CUBN: variants seen among roughly 807,000 people sequenced by gnomAD.
The protein encoded by CUBN is cubilin, also known as 460 kDa receptor.
A neutral mutation model predicts 405.3 loss-of-function variants in CUBN; 282 were observed. That is an observed-to-expected ratio of 0.70 (90% CI 0.63 to 0.77). CUBN has a LOEUF of 0.77. Ranked by LOEUF, CUBN falls within the 30% of genes least tolerant of loss-of-function variation. CUBN has a pLI of 0.00. For synonymous variants in CUBN, 1,684 were observed against 1,617.0 expected, an observed-to-expected ratio of 1.04 and a Z score of -0.99; for missense variants, 4,514 against 4,475.2, an observed-to-expected ratio of 1.01 and a Z score of -0.25.
chr10:16,903,868 G>T, intron 51 of CUBN, 98 bp downstream of exon 51: 1 of 866,148 alleles, frequency 1.2e-6, no homozygotes, highest in Non-Finnish European at 1.7e-6. Flanking sequence ...TAATAGCTAT[G>T]TAGAAATAAA....
chr10:17,127,740 A>G (rs1203514244), intron 3 of CUBN, 89 bp downstream of exon 3: 2 of 866,836 alleles, frequency 2.3e-6, no homozygotes, highest in African/African-American at 3.4e-5. Flanking sequence ...AAGAGCACAC[A>G]AAGTTGGTAT....
chr10:16,922,292 C>G (rs1289768863), intron 43 of CUBN, among the ~76,000 whole-genome samples: 1 of 152,128 alleles, frequency 6.6e-6, no homozygotes, highest in Non-Finnish European at 1.5e-5. Flanking sequence ...TGCCTCACAT[C>G]CAACTGACCG....
intron 60 of CUBN, among the ~76,000 whole-genome samples, chr10:16,841,623 C>T (rs1016750387): frequency 9.9e-5 from 15 of 152,238 alleles, no homozygotes; most frequent in African/African-American, 1.4e-4. Context: ...TGTTCGATTC[C>T]GCTTCTTGAG....
intron 31 of CUBN, among the ~76,000 whole-genome samples, chr10:16,955,653 TA>T (rs1212305100): frequency 6.6e-6 from 1 of 152,218 alleles, no homozygotes; most frequent in Non-Finnish European, 1.5e-5. Context: ...TGATTAATAA[TA>T]ACTCCCATTC....
At chr10:17,005,905 G>A (rs1348471914) in intron 28 of CUBN, among the ~76,000 whole-genome samples, 1 of 152,162 alleles carries the variant, frequency 6.6e-6, no homozygotes, top group African/African-American at 2.4e-5. Flanking sequence ...GAAGCTGAAT[G>A]GACTGTAATC....
intron 28 of CUBN, among the ~76,000 whole-genome samples, chr10:17,015,621 G>C (rs1047447495): frequency 1.3e-5 from 2 of 152,096 alleles, no homozygotes; most frequent in Admixed American, 1.3e-4. Flanking sequence ...TGTAACCGGG[G>C]CTCAATAAGG....
At chr10:17,027,234 C>T (rs1420171869) in intron 27 of CUBN, among the ~76,000 whole-genome samples, 2 of 152,190 alleles carry the variant, frequency 1.3e-5, no homozygotes, top group Non-Finnish European at 2.9e-5. Context: ...TATCTCAGAA[C>T]TGTTTCTAAT....
chr10:16,906,280 G>C lies in CUBN; in HGVS notation c.7835C>G (p.Ser2612Cys). Residue 2612 changes from serine (S) to cysteine (C), a missense_variant, in exon 50 of 67, where the codon TCC becomes TGC. By Grantham distance (112) the Ser-to-Cys change is moderately radical. This residue lies in a region of CUBN where 1,613 missense variants were observed against 1,542.8 expected (regional missense o/e 1.05). Coordinates refer to ENST00000377833, the MANE Select transcript of CUBN (RefSeq NM_001081.4). Reference protein sequence around the residue: ...TLSNPNQGNSSISIHFEDFYL... With the variant: ...TLSNPNQGNSCISIHFEDFYL... ...AAAATCTTCAAAGTGAATGGAAATG[G>C]ATGAATTTCCCTGATTTGGATTGCT... The C allele has an allele frequency of 6.2e-7, 1 of 1,613,610 alleles. No individual in the cohort carries two copies. Among genetic ancestry groups the C allele is most frequent in the South Asian group, 1.1e-5 (1 of 91,076 alleles).
intron 20 of CUBN, 110 bp from the exon 21 acceptor site, chr10:17,068,390 T>G: frequency 8.4e-7 from 1 of 1,190,012 alleles, no homozygotes; most frequent in Non-Finnish European, 1.2e-6. Flanking sequence ...AAAATGTTTC[T>G]TAGTTGCCAC....
chr10:16,999,919 C>T (rs1833833107), intron 28 of CUBN, among the ~76,000 whole-genome samples: 1 of 152,176 alleles, frequency 6.6e-6, no homozygotes, highest in Non-Finnish European at 1.5e-5. Flanking sequence ...GAGGACTCCA[C>T]CCGGAGAAAT....
intron 31 of CUBN, among the ~76,000 whole-genome samples, chr10:16,976,328 C>CT (rs1458121246): frequency 6.6e-6 from 1 of 151,822 alleles, no homozygotes; most frequent in African/African-American, 2.4e-5. Flanking sequence ...CCGGTAGTTA[C>CT]TTTTTTTTCT....
intron 27 of CUBN, among the ~76,000 whole-genome samples, chr10:17,029,264 C>T (rs559418824): frequency 2.0e-5 from 3 of 152,272 alleles, no homozygotes; most frequent in African/African-American, 7.2e-5. Context: ...ATACGAAAAT[C>T]CTTCATTGTG....
At position 16,907,555 on chromosome 10, in the gene CUBN, C is replaced by T. The variant is rs976107508; in HGVS notation, c.7658G>A (p.Arg2553Lys). ...GGAAGCAGTGAAGCCGCCATATGGCCTGGATCCATCCGTGAAAAAAATGAC... is the reference window on the plus strand; with the variant it reads ...GGAAGCAGTGAAGCCGCCATATGGCTTGGATCCATCCGTGAAAAAAATGAC... The part of the protein sequence containing the change: ...MKVIFFTDGS[R>K]PYGGFTASYT... Residue 2553 changes from arginine (R) to lysine (K), a missense_variant, in exon 49 of 67, where the codon AGG becomes AAG. Physicochemically the swap from Arg to Lys is conservative, Grantham distance 26 (BLOSUM62 2). Around this residue, in one of 5 missense-constraint regions of CUBN, gnomAD observed 1,613 missense variants for 1,542.8 expected, o/e 1.05. Coordinates refer to ENST00000377833, the MANE Select transcript of CUBN (RefSeq NM_001081.4). 9 of 1,613,980 alleles carry T rather than the reference C, an allele frequency of 5.6e-6. No individual in the cohort carries two copies. Among genetic ancestry groups the T allele is most frequent in the Non-Finnish European group, 7.6e-6 (9 of 1,180,024 alleles).
intron 55 of CUBN, among the ~76,000 whole-genome samples, chr10:16,888,999 G>C (rs1311231391): frequency 6.6e-6 from 1 of 152,130 alleles, no homozygotes; most frequent in East Asian, 1.9e-4. Flanking sequence ...CATTACCATT[G>C]TAATCTAGCC....
At chr10:16,942,922 G>A (rs1423606635) in intron 36 of CUBN, among the ~76,000 whole-genome samples, 2 of 151,852 alleles carry the variant, frequency 1.3e-5, no homozygotes, top group East Asian at 1.9e-4. Flanking sequence ...GGAAAGGAAA[G>A]GAAAAATGTA....
intron 62 of CUBN, among the ~76,000 whole-genome samples, chr10:16,840,037 A>G (rs1027574234): frequency 5.3e-5 from 7 of 131,242 alleles, no homozygotes; most frequent in East Asian, 2.4e-4. Context: ...GGACACAGGA[A>G]GGGGAACATC....
intron 22 of CUBN, among the ~76,000 whole-genome samples, chr10:17,048,091 AC>A (rs1835181112): frequency 6.6e-6 from 1 of 152,250 alleles, no homozygotes; most frequent in Non-Finnish European, 1.5e-5. Flanking sequence ...ACCCTCTCAA[AC>A]ACTGTCAAGC....
In CUBN at chr10:17,084,315, C is replaced by T. The variant is rs77886913; in HGVS notation, c.2257G>A (p.Val753Met). The change falls in exon 17 of 67, where the codon GTG becomes ATG. Residue 753 changes from valine (V) to methionine (M), a missense_variant. Physicochemically the swap from Val to Met is conservative, Grantham distance 21. Transcript: ENST00000377833. ...GEQIQINFTH[V>M]ELQCQSDSSQ... ...CTGTCACTCTGGCATTGCAGCTCCA[C>T]GTGGGTGAAGTTGATTTGTATTTGT... 1.4e-4 allele frequency: 220 copies of T among 1,614,108 alleles called. 2 individuals carry two copies. The East Asian group carries it at 4.3e-3, about 32-fold the overall frequency.
chr10:17,126,285 T>C (rs1349868961), intron 4 of CUBN, among the ~76,000 whole-genome samples: 27 of 152,258 alleles, frequency 1.8e-4, no homozygotes, highest in Admixed American at 1.6e-3. Context: ...AGTACAGTTA[T>C]ACAATGTTTT....
Sources: gnomAD v4.1 joint callset for allele counts (sites outside exome capture counted in the v4.1 genomes callset) on GRCh38, gnomAD v4.1.1 for gene constraint, gnomAD v4.1.1 regional missense constraint, MANE v1.5 for transcripts, NCBI Gene and HGNC (gene_info 2026-07-23, HGNC 2026-07-21) for gene names.